FIG4: variants seen among roughly 807,000 people sequenced by gnomAD.
FIG4 encodes the protein FIG4 phosphoinositide 5-phosphatase, also known as polyphosphoinositide phosphatase.
A neutral mutation model predicts 118.6 loss-of-function variants in FIG4; 112 were observed. The ratio of observed to expected loss-of-function variants is 0.94; its 90% CI spans 0.81 to 1.11. The LOEUF is 1.11. Ranked by LOEUF, FIG4 falls within the 50% of genes least tolerant of loss-of-function variation. The probability of loss-of-function intolerance (pLI) is 0.00; values close to 1 mark genes in which losing one functional copy is unlikely to be tolerated. For synonymous variants in FIG4, 369 were observed against 381.2 expected (o/e 0.97, Z 0.37); for missense variants, 969 against 1,111.7 (o/e 0.87, Z 1.83).
chr6:109,784,857 A>C, intron 16 of FIG4, 113 bp from the exon 17 acceptor site: 2 of 543,248 alleles, frequency 3.7e-6, no homozygotes, highest in Non-Finnish European at 6.5e-6. Flanking sequence ...AAAAATATTA[A>C]CTTTGAAGTA....
chr6:109,794,798 A>G (rs1448063227), intron 21 of FIG4, among the ~76,000 whole-genome samples: 2 of 152,204 alleles, frequency 1.3e-5, no homozygotes, highest in Non-Finnish European at 1.5e-5. Context: ...CCTGGCTTGC[A>G]TGTAACAGCT....
intron 16 of FIG4, among the ~76,000 whole-genome samples, chr6:109,781,945 A>G (rs1426749714): frequency 6.6e-6 from 1 of 151,800 alleles, no homozygotes; most frequent in Non-Finnish European, 1.5e-5. Context: ...ATTTCACTTA[A>G]CTACACTATT....
chr6:109,692,972 C>CAGG (rs1774574201), intron 1 of FIG4, among the ~76,000 whole-genome samples: 1 of 152,208 alleles, frequency 6.6e-6, no homozygotes, highest in African/African-American at 2.4e-5. Flanking sequence ...GCATGAGCCA[C>CAGG]CGCATCTGGC....
At chr6:109,794,314 G>T (rs1263558637) in intron 21 of FIG4, among the ~76,000 whole-genome samples, 1 of 152,110 alleles carries the variant, frequency 6.6e-6, no homozygotes, top group African/African-American at 2.4e-5. Flanking sequence ...TGTGTTTCTG[G>T]GTACCGTGGG....
intron 15 of FIG4, among the ~76,000 whole-genome samples, chr6:109,772,554 T>C (rs1402451280): frequency 1.3e-5 from 2 of 152,152 alleles, no homozygotes; most frequent in African/African-American, 4.8e-5. Flanking sequence ...CTTCCTGGGT[T>C]CAAGAGACTC....
intron 1 of FIG4, among the ~76,000 whole-genome samples, chr6:109,704,675 CAAAAAAAAAAAA>C (rs36013882): frequency 1.5e-5 from 1 of 67,816 alleles, no homozygotes; most frequent in Non-Finnish European, 2.7e-5. Context: ...GACTCCATCT[CAAAAAAAAAAAA>C]AAAAAAAAAA....
At chr6:109,700,177 A>G (rs1021278501) in intron 1 of FIG4, among the ~76,000 whole-genome samples, 1 of 152,234 alleles carries the variant, frequency 6.6e-6, no homozygotes, top group East Asian at 1.9e-4. Flanking sequence ...ATCTTTCTCT[A>G]GCTTCATAAG....
intron 13 of FIG4, among the ~76,000 whole-genome samples, chr6:109,764,723 A>G (rs541145055): frequency 1.5e-4 from 23 of 152,340 alleles, no homozygotes; most frequent in East Asian, 1.3e-3. Context: ...ATTGTCAGCT[A>G]TTTGTTTTAT....
chr6:109,771,776 G>C (rs745857392), intron 15 of FIG4, among the ~76,000 whole-genome samples: 5 of 152,126 alleles, frequency 3.3e-5, no homozygotes, highest in Non-Finnish European at 7.4e-5. Flanking sequence ...TGGTGGCCCT[G>C]CTCCATCTTA....
intron 22 of FIG4, among the ~76,000 whole-genome samples, chr6:109,799,365 T>G (rs1033095088): frequency 2.7e-5 from 4 of 148,214 alleles, no homozygotes; most frequent in Admixed American, 1.3e-4. Flanking sequence ...GTTTTTGGGG[T>G]GTGTGTGTGT....
intron 16 of FIG4, 77 bp from the exon 17 acceptor site, chr6:109,784,893 A>C: frequency 2.7e-6 from 2 of 754,370 alleles, no homozygotes; most frequent in Non-Finnish European, 4.5e-6. Context: ...AGACCATATA[A>C]ATTATTTTAT....
At chr6:109,813,746 A>T (rs1256032306) in intron 22 of FIG4, among the ~76,000 whole-genome samples, 1 of 152,196 alleles carries the variant, frequency 6.6e-6, no homozygotes, top group African/African-American at 2.4e-5. Flanking sequence ...AGGTTGTGAA[A>T]GTTATCTCTT....
intron 10 of FIG4, among the ~76,000 whole-genome samples, chr6:109,746,880 T>G (rs1310098931): frequency 2.0e-5 from 3 of 152,050 alleles, no homozygotes; most frequent in African/African-American, 7.2e-5. Context: ...GGTGGAGATG[T>G]AGAGAAGTGG....
In FIG4 at chr6:109,789,726, A is replaced by G. The variant is rs377356695; in HGVS notation, c.2180+49A>G. 15 of 1,286,878 alleles carry G rather than the reference A, an allele frequency of 1.2e-5. No individual in the cohort carries two copies. The African/African-American group carries it at 1.2e-4, about 10-fold the overall frequency. 79.7% of individuals were successfully genotyped at this position (1,286,878 alleles called of 1,614,324 possible). A position where few individuals can be genotyped will look rare whatever the true frequency, so the allele number is the denominator to read the frequency against. ...ACTTTAAAGATTTGTGTAAAAGAAT[A>G]GTACTTGCAATATGATTTCCACCAA... On this transcript the variant is annotated intron_variant, in intron 19 of 22. Transcript: ENST00000230124.
intron 22 of FIG4, among the ~76,000 whole-genome samples, chr6:109,821,416 A>G (rs1335239202): frequency 6.6e-6 from 1 of 152,256 alleles, no homozygotes; most frequent in African/African-American, 2.4e-5. Context: ...ATTATAAAGA[A>G]CAGAGCAAAA....
At chr6:109,811,496 C>A (rs1235482429) in intron 22 of FIG4, among the ~76,000 whole-genome samples, 2 of 152,182 alleles carry the variant, frequency 1.3e-5, no homozygotes, top group African/African-American at 4.8e-5. Flanking sequence ...TAGTTGGAAT[C>A]ATTAACAGCT....
At chr6:109,759,739 A>G (rs1777042860) in intron 10 of FIG4, among the ~76,000 whole-genome samples, 1 of 152,218 alleles carries the variant, frequency 6.6e-6, no homozygotes, top group African/African-American at 2.4e-5. Context: ...ACAGTGTAAA[A>G]AGAAAAAGAA....
intron 1 of FIG4, chr6:109,701,806 G>A (rs369578156): frequency 2.2e-6 from 1 of 463,908 alleles, no homozygotes. Context: ...AGTTGACTAA[G>A]GATTGGAAAA....
In FIG4 at chr6:109,778,258, C is replaced by T. The variant is rs566245087; in HGVS notation, c.1889+1198C>T. 1.4e-4 allele frequency among the ~76,000 whole-genome samples: 21 copies of T among 151,058 alleles called. No individual in the cohort carries two copies. In the South Asian group the frequency reaches 2.3e-3, roughly 17 times the overall value. ...GGAGGATTACCTGAGGTCAGCAGTT[C>T]GAGACCAGCCTGGTCAACATGGTGA... On this transcript the variant is annotated intron_variant, in intron 16 of 22. Transcript: ENST00000230124.
Sources: gnomAD v4.1 joint callset for allele counts (sites outside exome capture counted in the v4.1 genomes callset) on GRCh38, gnomAD v4.1.1 for gene constraint, MANE v1.5 for transcripts, NCBI Gene and HGNC (gene_info 2026-07-23, HGNC 2026-07-21) for gene names.